NEGR1: variants seen among roughly 807,000 people sequenced by gnomAD.
NEGR1 encodes neuronal growth regulator 1.
A neutral mutation model predicts 40.9 loss-of-function variants in NEGR1; 10 were observed. The observed-to-expected ratio is 0.24, with a 90% CI of 0.15 to 0.42. The LOEUF is 0.42. Among genes scored for constraint, NEGR1 ranks in the 10% least tolerant of loss-of-function variants. The probability of loss-of-function intolerance (pLI) is 1.00; values close to 1 mark genes in which losing one functional copy is unlikely to be tolerated. For missense variants in NEGR1, 352 were observed against 438.9 expected, an observed-to-expected ratio of 0.80 and a Z score of 1.77; for synonymous variants, 185 against 166.8, an observed-to-expected ratio of 1.11 and a Z score of -0.84.
chr1:71,840,382 GA>G (rs959235215), intron 2 of NEGR1, among the ~76,000 whole-genome samples: 2 of 149,630 alleles, frequency 1.3e-5, no homozygotes, highest in South Asian at 2.1e-4. Flanking sequence ...CTCTAGAATT[GA>G]AAAAAAAAGA....
chr1:72,273,665 A>G (rs951887897), intron 1 of NEGR1, among the ~76,000 whole-genome samples: 11 of 151,946 alleles, frequency 7.2e-5, no homozygotes, highest in African/African-American at 2.4e-4. Context: ...AAAATGCCTT[A>G]TATTTTAGTA....
intron 1 of NEGR1, among the ~76,000 whole-genome samples, chr1:72,156,941 T>TTTGTTG (rs71074822): frequency 0.013 from 1,933 of 149,864 alleles, 19 homozygotes; most frequent in African/African-American, 0.019. Context: ...TTGTATGTGT[T>TTTGTTG]TTGTTGTTGT....
chr1:71,799,811 C>A (rs1450072261), intron 2 of NEGR1, among the ~76,000 whole-genome samples: 1 of 152,048 alleles, frequency 6.6e-6, no homozygotes, highest in Non-Finnish European at 1.5e-5. Flanking sequence ...GTCCTGGGTT[C>A]AAGCAATTCT....
intron 4 of NEGR1, among the ~76,000 whole-genome samples, chr1:71,631,107 T>G (rs1000066239): frequency 2.6e-5 from 4 of 151,948 alleles, no homozygotes; most frequent in African/African-American, 9.7e-5. Context: ...AAACAAATAT[T>G]TGTGTGGGAA....
At chr1:71,818,082 C>T (rs1235371961) in intron 2 of NEGR1, among the ~76,000 whole-genome samples, 1 of 151,996 alleles carries the variant, frequency 6.6e-6, no homozygotes, top group East Asian at 1.9e-4. Flanking sequence ...CACTTATACA[C>T]TGGTGATTGG....
intron 2 of NEGR1, among the ~76,000 whole-genome samples, chr1:71,914,970 A>G (rs192113640): frequency 6.6e-6 from 1 of 152,142 alleles, no homozygotes; most frequent in East Asian, 1.9e-4. Context: ...AATGGCCATC[A>G]TTTTGTTTAT....
At chr1:72,091,306 T>C (rs908051861) in intron 1 of NEGR1, among the ~76,000 whole-genome samples, 2 of 152,108 alleles carry the variant, frequency 1.3e-5, no homozygotes, top group African/African-American at 2.4e-5. Context: ...TTCTTATTTA[T>C]CAGATTCTTT....
intron 4 of NEGR1, among the ~76,000 whole-genome samples, chr1:71,624,726 G>T (rs1325783878): frequency 6.6e-6 from 1 of 151,802 alleles, no homozygotes; most frequent in African/African-American, 2.4e-5. Context: ...TTTCCTTCCA[G>T]TCTGTGCTCA....
chr1:71,655,199 G>T (rs1337558197), intron 4 of NEGR1, among the ~76,000 whole-genome samples: 3 of 152,100 alleles, frequency 2.0e-5, no homozygotes, highest in African/African-American at 7.2e-5. Context: ...GTGGAGGAAG[G>T]TCTAAAAGAA....
At chr1:71,411,193 T>C (rs1386138641) in intron 6 of NEGR1, among the ~76,000 whole-genome samples, 2 of 152,342 alleles carry the variant, frequency 1.3e-5, no homozygotes, top group East Asian at 3.9e-4. Flanking sequence ...ACTTCTTTTT[T>C]CAGAGAGTAT....
intron 4 of NEGR1, among the ~76,000 whole-genome samples, chr1:71,683,532 GT>G (rs1652910346): frequency 7.1e-6 from 1 of 141,300 alleles, no homozygotes; most frequent in Non-Finnish European, 1.5e-5. Flanking sequence ...GTCCAAAGTG[GT>G]TTTCTGGGTA....
intron 6 of NEGR1, among the ~76,000 whole-genome samples, chr1:71,509,528 C>T (rs970181272): frequency 6.6e-6 from 1 of 152,182 alleles, no homozygotes; most frequent in Non-Finnish European, 1.5e-5. Flanking sequence ...AAGGAAACTT[C>T]GTAACTTGTT....
At position 71,780,592 on chromosome 1, in the gene NEGR1, G is replaced by A. The variant is rs182288748; in HGVS notation, c.410-4295C>T. Among the ~76,000 whole-genome samples the A allele has an allele frequency of 5.7e-3, 870 of 152,302 alleles. 8 individuals carry two copies. The highest frequency in any genetic ancestry group is 7.6e-3 in the Non-Finnish European group (517 of 68,022). On this transcript the variant is annotated intron_variant, in intron 2 of 6. Coordinates refer to ENST00000357731, the MANE Select transcript of NEGR1 (RefSeq NM_173808.3). ...AAAGTAGATTTAAAGATTGTGTTGG[G>A]TGAAATGTATTTTAAAACCTCCATA...
chr1:72,101,037 T>A (rs1195241652), intron 1 of NEGR1: 1 of 152,182 alleles, frequency 6.6e-6, no homozygotes, highest in Admixed American at 6.6e-5. Flanking sequence ...CCTACTTATC[T>A]GTCAAAAGCC....
At chr1:71,958,465 G>A (rs1646136356) in intron 1 of NEGR1, among the ~76,000 whole-genome samples, 1 of 152,122 alleles carries the variant, frequency 6.6e-6, no homozygotes, top group Non-Finnish European at 1.5e-5. Flanking sequence ...GGACGAAGAG[G>A]AGACTTTCTC....
intron 2 of NEGR1, among the ~76,000 whole-genome samples, chr1:71,827,724 T>G (rs945117709): frequency 6.6e-6 from 1 of 151,896 alleles, no homozygotes; most frequent in Non-Finnish European, 1.5e-5. Flanking sequence ...GCTTTTTTGT[T>G]TTTTCTAAAA....
At chr1:72,089,189 GTATAAAAA>G (rs1347858669) in intron 1 of NEGR1, among the ~76,000 whole-genome samples, 1 of 152,028 alleles carries the variant, frequency 6.6e-6, no homozygotes, top group Admixed American at 6.6e-5. Context: ...ACCCATACTT[GTATAAAAA>G]GCTTGAGATG....
At chr1:71,996,994 A>G (rs1313474703) in intron 1 of NEGR1, among the ~76,000 whole-genome samples, 1 of 151,990 alleles carries the variant, frequency 6.6e-6, no homozygotes, top group Non-Finnish European at 1.5e-5. Flanking sequence ...TAAGAGAGCT[A>G]TGCTCTACTT....
chr1:71,862,554 G>A (rs555537671), intron 2 of NEGR1, among the ~76,000 whole-genome samples: 2 of 152,048 alleles, frequency 1.3e-5, no homozygotes, highest in African/African-American at 2.4e-5. Context: ...TTAAGGAGTT[G>A]GTGGCTTTCC....
Sources: allele counts gnomAD v4.1 joint callset (sites outside exome capture counted in the v4.1 genomes callset), GRCh38; gene constraint gnomAD v4.1.1; transcripts MANE v1.5; gene names NCBI Gene and HGNC (gene_info 2026-07-23, HGNC 2026-07-21).